SLC26A8: variants seen among roughly 807,000 people sequenced by gnomAD.
SLC26A8 encodes testis anion transporter 1.
SLC26A8 carries 70 observed loss-of-function variants against 105.0 expected under a neutral mutation model. The ratio of observed to expected loss-of-function variants is 0.67; its 90% CI spans 0.55 to 0.81. The LOEUF is 0.81. Among genes scored for constraint, SLC26A8 ranks in the 40% least tolerant of loss-of-function variants. The pLI is 0.00. For missense variants in SLC26A8, 998 were observed against 1,181.8 expected, an observed-to-expected ratio of 0.84 and a Z score of 2.28; for synonymous variants, 415 against 438.3, an observed-to-expected ratio of 0.95 and a Z score of 0.66.
Position 36,005,427 on chromosome 6 carries a change from A to G in SLC26A8, c.329-5319T>C, listed in dbSNP as rs528480445. Reference sequence around the variant, plus strand: ...TTATTTCCCCTTATTCCTGCAATCTATAACAGTTCCTTAATTTTTACCTGT... The same window carrying G: ...TTATTTCCCCTTATTCCTGCAATCTGTAACAGTTCCTTAATTTTTACCTGT... On this transcript the variant is annotated intron_variant, in intron 3 of 19. Transcript: ENST00000490799. Among the ~76,000 whole-genome samples, 52 of 152,324 alleles carry G rather than the reference A, an allele frequency of 3.4e-4. 1 individual carries two copies. In the South Asian group the frequency reaches 0.01, roughly 30 times the overall value.
rs1773272733 is a variant in SLC26A8 at position 35,981,708 on chromosome 6, T to C, written c.1025+413A>G. On this transcript the variant is annotated intron_variant, in intron 8 of 19. Transcript: ENST00000490799. This position sits in a 1 kb window ranked among gnomAD's most constrained non-coding sequence, Gnocchi z 4.0. ...AAACAGGGCATCTATTTAGTCTAAG[T>C]TTGTGAAGGCAAAAGGAACGTTCAT... is the stretch of plus-strand genomic sequence containing the variant. Among the ~76,000 whole-genome samples, 1 of 151,982 alleles carries C rather than the reference T, an allele frequency of 6.6e-6. No homozygotes were observed. Among genetic ancestry groups the C allele is most frequent in the Non-Finnish European group, 1.5e-5 (1 of 67,988 alleles).
chr6:35,987,293 C>T (rs948688899), intron 7 of SLC26A8, among the ~76,000 whole-genome samples: 3 of 152,180 alleles, frequency 2.0e-5, no homozygotes, highest in Admixed American at 6.5e-5. Context: ...ACACAAAGTC[C>T]ATGGTGGGTT....
In SLC26A8 at chr6:35,951,261, C is replaced by T. The variant is rs115071158; in HGVS notation, c.2374G>A (p.Val792Met). ...TQLFLSVHDA[V>M]LFALSRKVIG... is the part of the protein sequence containing the mutation. Reference sequence around the variant, plus strand: ...ACCTTCCTTGACAAGGCAAACAGCACGGCGTCGTGAACGCTGAGGAACAGC... The same window carrying T: ...ACCTTCCTTGACAAGGCAAACAGCATGGCGTCGTGAACGCTGAGGAACAGC... The change falls in exon 19 of 20, where the codon GTG (valine) becomes ATG (methionine). Residue 792 changes from valine (V) to methionine (M), a missense_variant. Physicochemically the swap from Val to Met is conservative, Grantham distance 21. Coordinates refer to ENST00000490799, the MANE Select transcript of SLC26A8 (RefSeq NM_052961.4). 3.2e-5 allele frequency: 51 copies of T among 1,614,126 alleles called. No homozygotes were observed. The highest frequency in any genetic ancestry group is 8.3e-5 in the Admixed American group (5 of 60,018).
intron 12 of SLC26A8, among the ~76,000 whole-genome samples, chr6:35,962,295 A>G (rs55701612): frequency 0.042 from 6,406 of 152,122 alleles, 419 homozygotes; most frequent in African/African-American, 0.14. Context: ...TTTGGATGTA[A>G]CTGTAGCCAC....
At chr6:35,959,235 C>A (rs1185747293) in intron 16 of SLC26A8, among the ~76,000 whole-genome samples, 1 of 152,246 alleles carries the variant, frequency 6.6e-6, no homozygotes, top group East Asian at 1.9e-4. Context: ...CACTTCCCAC[C>A]TACTTTCTTG....
intron 11 of SLC26A8, among the ~76,000 whole-genome samples, chr6:35,964,623 GGTGACAGA>G (rs1772432748): frequency 6.6e-6 from 1 of 151,568 alleles, no homozygotes; most frequent in African/African-American, 2.4e-5. Flanking sequence ...CTTCAGACTG[GGTGACAGA>G]GTGAGACTCT....
chr6:35,953,615 G>A (rs1288573448), intron 17 of SLC26A8, among the ~76,000 whole-genome samples: 1 of 152,126 alleles, frequency 6.6e-6, no homozygotes, highest in Non-Finnish European at 1.5e-5. Context: ...AGAATAAGAT[G>A]GAAAAGCCCA....
chr6:35,993,191 G>T (rs528825367), intron 5 of SLC26A8, among the ~76,000 whole-genome samples: 60 of 127,300 alleles, frequency 4.7e-4, no homozygotes, highest in Non-Finnish European at 7.4e-4. Flanking sequence ...GAGATTGGAG[G>T]GGGGGGTCTT....
chr6:36,004,346 G>C (rs951376199), intron 3 of SLC26A8, among the ~76,000 whole-genome samples: 5 of 152,128 alleles, frequency 3.3e-5, no homozygotes, highest in African/African-American at 1.2e-4. Context: ...AAAGTGCTAG[G>C]ATTATAGGCA....
At position 35,946,516 on chromosome 6, in the gene SLC26A8, G is replaced by A. The variant is rs1013043867; in HGVS notation, c.2473-2176C>T. Among the ~76,000 whole-genome samples the A allele has an allele frequency of 3.9e-5, 6 of 152,074 alleles. No homozygotes were observed. In the South Asian group the frequency reaches 6.2e-4, roughly 16 times the overall value. On this transcript the variant is annotated intron_variant, in intron 19 of 19. Transcript: ENST00000490799. ...CTCCCAAAGTGCTAGGATTACAGGCGTGAGGCCACACCTGGCCCAGGCATT... is the reference window on the plus strand; with the variant it reads ...CTCCCAAAGTGCTAGGATTACAGGCATGAGGCCACACCTGGCCCAGGCATT...
chr6:35,998,791 C>T (rs1312226748), intron 4 of SLC26A8, among the ~76,000 whole-genome samples: 4 of 152,124 alleles, frequency 2.6e-5, no homozygotes, highest in Non-Finnish European at 5.9e-5. Flanking sequence ...TGAGGTTCCT[C>T]AGAAACTTGG....
At chr6:35,947,952 A>G (rs1771732101) in intron 19 of SLC26A8, among the ~76,000 whole-genome samples, 1 of 152,186 alleles carries the variant, frequency 6.6e-6, no homozygotes, top group Admixed American at 6.5e-5. Flanking sequence ...AAAGTAAAAC[A>G]TATAAAGTAT....
intron 3 of SLC26A8, among the ~76,000 whole-genome samples, chr6:36,003,416 G>A (rs1299899016): frequency 2.0e-5 from 3 of 152,100 alleles, no homozygotes; most frequent in African/African-American, 7.2e-5. Context: ...ATTGTACTGT[G>A]TTAATTGCTC....
intron 3 of SLC26A8, among the ~76,000 whole-genome samples, chr6:36,009,272 A>G (rs1327853907): frequency 1.3e-5 from 2 of 151,920 alleles, no homozygotes; most frequent in Non-Finnish European, 2.9e-5. Context: ...AATTGCTTGA[A>G]CCCGGGTGGC....
At chr6:35,959,832 G>C in intron 14 of SLC26A8, 26 bp from the exon 15 acceptor site, 2,500 of 1,348,860 alleles carry the variant, frequency 1.9e-3, no homozygotes, top group Non-Finnish European at 2.4e-3. Context: ...TGAAGTTGAG[G>C]GAAATTTCTC....
intron 16 of SLC26A8, among the ~76,000 whole-genome samples, chr6:35,957,026 C>G (rs955428208): frequency 6.6e-5 from 10 of 151,790 alleles, no homozygotes; most frequent in African/African-American, 2.4e-4. Context: ...AGTTCAAGAC[C>G]AGCCTGACCA....
chr6:35,949,346 C>T (rs1034589608), intron 19 of SLC26A8, among the ~76,000 whole-genome samples: 4 of 151,938 alleles, frequency 2.6e-5, no homozygotes, highest in Non-Finnish European at 4.4e-5. Flanking sequence ...GCAGGAGAAT[C>T]GCTTGAACCC....
At chr6:35,950,308 T>A (rs1490671077) in intron 19 of SLC26A8, among the ~76,000 whole-genome samples, 3 of 151,102 alleles carry the variant, frequency 2.0e-5, no homozygotes, top group African/African-American at 4.9e-5. Context: ...TTTTTTTTTT[T>A]AGACAGAGTC....
At position 35,959,414 on chromosome 6, in the gene SLC26A8, T is replaced by TTA. The variant is rs1772220114; in HGVS notation, c.1863+44_1863+45dup. The stretch of plus-strand genomic sequence containing the variant: ...TTTAAGAAATGACTAGTGTACTTGT[T>TTA]TATAAAATATGGAGAAAAACATAGG... On this transcript the variant is annotated intron_variant, in intron 16 of 19. Transcript: ENST00000490799. 3.2e-6 allele frequency: 5 copies of TTA among 1,562,774 alleles called. No homozygotes were observed. The South Asian group carries it at 6.1e-5, about 19-fold the overall frequency.
Sources: allele counts gnomAD v4.1 joint callset (sites outside exome capture counted in the v4.1 genomes callset), GRCh38; gene constraint gnomAD v4.1.1; non-coding constraint Gnocchi (gnomAD v3.1); transcripts MANE v1.5; gene names NCBI Gene and HGNC (gene_info 2026-07-23, HGNC 2026-07-21).